CEP170: variants seen among roughly 807,000 people sequenced by gnomAD.
The protein encoded by CEP170 is centrosomal protein 170.
In CEP170, 21 loss-of-function variants were observed where a neutral mutation model predicts 151.9. That is an observed-to-expected ratio of 0.14 (90% confidence interval 0.10 to 0.20). The LOEUF is 0.20. CEP170 is among the 10% of genes least tolerant of loss of function. CEP170 has a pLI of 1.00. For missense variants in CEP170, 964 were observed against 1,892.9 expected, an observed-to-expected ratio of 0.51 and a Z score of 9.11; for synonymous variants, 356 against 648.8, an observed-to-expected ratio of 0.55 and a Z score of 6.86.
At chr1:243,142,051 A>G (rs192671072) in intron 15 of CEP170, among the ~76,000 whole-genome samples, 18 of 152,366 alleles carry the variant, frequency 1.2e-4, no homozygotes, top group African/African-American at 3.8e-4. Context: ...TCATGTTTCA[A>G]GTGAAGCTAT....
At position 243,185,846 on chromosome 1, in the gene CEP170, C is replaced by T; in HGVS notation, c.1499G>A (p.Gly500Asp). 2 of 1,611,994 alleles carry T rather than the reference C, an allele frequency of 1.2e-6. No homozygotes were observed. The highest frequency in any genetic ancestry group is 2.2e-5 in the East Asian group (1 of 44,882). ...KDNDDDQSDK[G>D]TYTIELENPN... ...ATTCTCTAACTCAATGGTATAAGTA[C>T]CCTTGTCACTTTGGTCATCATCATT... The change falls in exon 10 of 20, where the codon GGT (glycine) becomes GAT (aspartate). Residue 500 changes from glycine (G) to aspartate (D), a missense_variant. Transcript: ENST00000366542. The surrounding 1 kb of genome is among the most constrained non-coding windows in gnomAD (Gnocchi z 4.9).
At chr1:243,126,770 T>G (rs1481082494) in intron 19 of CEP170, 32 bp from the exon 20 acceptor site, 3 of 1,551,382 alleles carry the variant, frequency 1.9e-6, no homozygotes, top group Non-Finnish European at 2.6e-6. Context: ...TAATTTTAGA[T>G]GCAGTTACAT....
In CEP170 at chr1:243,223,417, G is replaced by A. The variant is rs148602862; in HGVS notation, c.106-1604C>T. Reference sequence around the variant, plus strand: ...ATGGAGCCAGAGAATGGTGGCTTTCGAAGGAGTGTGATAAACACAGATGAG... The same window carrying A: ...ATGGAGCCAGAGAATGGTGGCTTTCAAAGGAGTGTGATAAACACAGATGAG... On this transcript the variant is annotated intron_variant, in intron 2 of 19. Transcript: ENST00000366542. Among the ~76,000 whole-genome samples the A allele has an allele frequency of 3.0e-3, 463 of 152,278 alleles. 1 individual carries two copies. The highest frequency in any genetic ancestry group is 0.01 in the African/African-American group (433 of 41,558).
At chr1:243,201,967 G>A (rs2061067939) in intron 4 of CEP170, among the ~76,000 whole-genome samples, 1 of 151,890 alleles carries the variant, frequency 6.6e-6, no homozygotes, top group Non-Finnish European at 1.5e-5. Flanking sequence ...ATATTTGCTG[G>A]TACATATGGA....
chr1:243,200,137 C>T (rs1361853519), intron 6 of CEP170, among the ~76,000 whole-genome samples: 1 of 151,682 alleles, frequency 6.6e-6, no homozygotes, highest in Non-Finnish European at 1.5e-5. Context: ...TATAAGTGAT[C>T]TAGAGATGAT....
chr1:243,243,129 C>T (rs2065022299), intron 1 of CEP170, among the ~76,000 whole-genome samples: 1 of 152,124 alleles, frequency 6.6e-6, no homozygotes, highest in Non-Finnish European at 1.5e-5. Context: ...GAGGCCGAGA[C>T]AGGAGGATCG....
intron 16 of CEP170, among the ~76,000 whole-genome samples, chr1:243,138,815 T>C (rs1246002236): frequency 6.6e-6 from 1 of 152,194 alleles, no homozygotes; most frequent in Non-Finnish European, 1.5e-5. Context: ...AGGGTTTTTC[T>C]TGTACATATA....
chr1:243,190,157 A>C (rs1182678022), intron 8 of CEP170, among the ~76,000 whole-genome samples: 41 of 152,332 alleles, frequency 2.7e-4, no homozygotes, highest in Non-Finnish European at 2.9e-5. Flanking sequence ...TACTAGATGA[A>C]GTGTTAGGAG....
chr1:243,249,418 A>AAAATAAATAAATAAAT (rs74729358), intron 1 of CEP170, among the ~76,000 whole-genome samples: 1 of 148,420 alleles, frequency 6.7e-6, no homozygotes, highest in African/African-American at 2.5e-5. Context: ...ACTCTGTCTC[A>AAAATAAATAAATAAAT]AAATAAATAA....
intron 10 of CEP170, among the ~76,000 whole-genome samples, chr1:243,182,993 T>A (rs879215221): frequency 6.6e-6 from 1 of 151,734 alleles, no homozygotes; most frequent in Non-Finnish European, 1.5e-5. Flanking sequence ...TTTAACTGAA[T>A]GACTAAAGAC....
intron 1 of CEP170, among the ~76,000 whole-genome samples, chr1:243,245,867 GC>G (rs1033511310): frequency 6.6e-6 from 1 of 151,878 alleles, no homozygotes; most frequent in Non-Finnish European, 1.5e-5. Flanking sequence ...GATCCCTTGA[GC>G]CCAGGAGGTA....
At chr1:243,156,732 T>C (rs995035042) in intron 13 of CEP170, 6 of 299,446 alleles carry the variant, frequency 2.0e-5, no homozygotes, top group Non-Finnish European at 3.0e-5. Flanking sequence ...ATTTCGCTAA[T>C]GATAAACAAC....
chr1:243,208,213 G>C (rs960820233), intron 4 of CEP170, among the ~76,000 whole-genome samples: 1 of 151,984 alleles, frequency 6.6e-6, no homozygotes. Flanking sequence ...ATATCACCCT[G>C]GTCCAAACCT....
intron 12 of CEP170, among the ~76,000 whole-genome samples, chr1:243,167,327 C>G (rs2058513853): frequency 6.6e-6 from 1 of 151,672 alleles, no homozygotes; most frequent in African/African-American, 2.4e-5. Flanking sequence ...TAACAGCAGA[C>G]TTTTCATAGT....
At chr1:243,184,515 G>A (rs2059819243) in intron 10 of CEP170, among the ~76,000 whole-genome samples, 1 of 151,856 alleles carries the variant, frequency 6.6e-6, no homozygotes, top group South Asian at 2.1e-4. Flanking sequence ...CTATTTCCCA[G>A]ACAATGGGTC....
At chr1:243,172,869 A>C (rs1427219976) in intron 10 of CEP170, 23 bp from the exon 11 acceptor site, 2 of 1,521,248 alleles carry the variant, frequency 1.3e-6, no homozygotes, top group East Asian at 4.9e-5. Flanking sequence ...ATTATTTTAT[A>C]AATGAAAACG....
intron 8 of CEP170, among the ~76,000 whole-genome samples, chr1:243,189,359 A>G (rs1359260031): frequency 2.6e-5 from 4 of 152,032 alleles, no homozygotes; most frequent in East Asian, 1.9e-4. Flanking sequence ...GATCAAGACC[A>G]TCCTGGCTAA....
chr1:243,233,937 C>G (rs1341512705), intron 1 of CEP170, among the ~76,000 whole-genome samples: 1 of 151,674 alleles, frequency 6.6e-6, no homozygotes, highest in East Asian at 1.9e-4. Context: ...CACCATATCA[C>G]CCATAAAAAG....
chr1:243,224,979 T>A (rs1008352299), intron 2 of CEP170, among the ~76,000 whole-genome samples, 197 bp downstream of exon 2: 2 of 152,232 alleles, frequency 1.3e-5, no homozygotes, highest in Admixed American at 6.5e-5. Flanking sequence ...GAATTTATTT[T>A]TCTAAATTGA....
Sources: allele counts gnomAD v4.1 joint callset (sites outside exome capture counted in the v4.1 genomes callset), GRCh38; gene constraint gnomAD v4.1.1; non-coding constraint Gnocchi (gnomAD v3.1); transcripts MANE v1.5; gene names NCBI Gene and HGNC (gene_info 2026-07-23, HGNC 2026-07-21).